KDELR2: variants seen among roughly 807,000 people sequenced by gnomAD.
The protein encoded by KDELR2 is KDEL endoplasmic reticulum protein retention receptor 2.
In KDELR2, 15 loss-of-function variants were observed where a neutral mutation model predicts 23.9. The ratio of observed to expected loss-of-function variants is 0.63; its 90% CI spans 0.42 to 0.97. The LOEUF is 0.97. Ranked by LOEUF, KDELR2 falls within the 50% of genes least tolerant of loss-of-function variation. The pLI is 0.00. For synonymous variants in KDELR2, 119 were observed against 106.2 expected (o/e 1.12, Z -0.74); for missense variants, 272 against 254.6 (o/e 1.07, Z -0.46).
intron 2 of KDELR2, among the ~76,000 whole-genome samples, chr7:6,471,672 A>C (rs1334611655): frequency 1.3e-5 from 2 of 152,134 alleles, no homozygotes. Context: ...GCCTAGTGTT[A>C]ATAATTTGTT....
At chr7:6,480,924 C>A (rs1037715713) in intron 1 of KDELR2, among the ~76,000 whole-genome samples, 1 of 152,156 alleles carries the variant, frequency 6.6e-6, no homozygotes, top group Non-Finnish European at 1.5e-5. Context: ...AGTCTGAGAA[C>A]AAGAACAATT....
Position 6,463,097 on chromosome 7 carries a change from T to C in KDELR2, c.*44A>G. On this transcript the variant is annotated 3_prime_UTR_variant, in exon 5 of 5. Coordinates refer to ENST00000258739, the MANE Select transcript of KDELR2 (RefSeq NM_006854.4). The stretch of plus-strand genomic sequence containing the variant: ...TGCCTTTGCTGTGGTAAGAATTCTG[T>C]CCGAGCACCCTGAAGGACAGATGCT... The C allele has an allele frequency of 2.5e-6, 4 of 1,614,192 alleles. No individual in the cohort carries two copies. In the East Asian group the frequency reaches 8.9e-5, roughly 36 times the overall value.
At chr7:6,482,933 G>A (rs950710746) in intron 1 of KDELR2, among the ~76,000 whole-genome samples, 2 of 151,514 alleles carry the variant, frequency 1.3e-5, no homozygotes, top group African/African-American at 4.9e-5. Context: ...TGAGCCAGGG[G>A]AGGTAGAGGC....
chr7:6,465,862 T>C lies in KDELR2; in HGVS notation c.604+209A>G, dbSNP rs113587990. 8.0e-3 allele frequency among the ~76,000 whole-genome samples: 1,221 copies of C among 152,188 alleles called. 22 individuals are homozygous for C. The highest frequency in any genetic ancestry group is 0.017 in the African/African-American group (700 of 41,538). On this transcript the variant is annotated intron_variant, in intron 4 of 4. Transcript: ENST00000258739. ...CCAGATGAATCTTTTACAGTGAAAA[T>C]GTGTCACTTTAGGAAAAGCTATTGC...
At chr7:6,471,663 C>G (rs1443268138) in intron 2 of KDELR2, among the ~76,000 whole-genome samples, 1 of 152,058 alleles carries the variant, frequency 6.6e-6, no homozygotes, top group Non-Finnish European at 1.5e-5. Context: ...TAAGTGAGGG[C>G]CTAGTGTTAA....
chr7:6,469,798 T>TG, intron 2 of KDELR2, 44 bp from the exon 3 acceptor site: 1 of 1,532,232 alleles, frequency 6.5e-7, no homozygotes, highest in Middle Eastern at 1.8e-4. Context: ...ACCTTGCCAC[T>TG]GTTCCAGCAC....
chr7:6,478,566 G>A (rs1447306261), intron 1 of KDELR2, among the ~76,000 whole-genome samples: 1 of 152,050 alleles, frequency 6.6e-6, no homozygotes, highest in Admixed American at 6.6e-5. Context: ...ATTTGTAGGA[G>A]TACTTTATTA....
chr7:6,483,808 G>A (rs922135008), intron 1 of KDELR2, among the ~76,000 whole-genome samples, 159 bp downstream of exon 1: 2 of 151,970 alleles, frequency 1.3e-5, no homozygotes, highest in African/African-American at 2.4e-5. Context: ...AGGGCCCGCA[G>A]GCCGCTGCCC....
chr7:6,474,423 C>A (rs769386225), intron 1 of KDELR2, 139 bp from the exon 2 acceptor site: 2 of 612,222 alleles, frequency 3.3e-6, no homozygotes, highest in Non-Finnish European at 5.9e-6. Context: ...TCTGAATGAA[C>A]AAGAGCAGTT....
chr7:6,464,682 G>A (rs556937625), intron 4 of KDELR2, among the ~76,000 whole-genome samples: 36 of 150,746 alleles, frequency 2.4e-4, no homozygotes, highest in African/African-American at 8.3e-4. Context: ...AGAGAGACTC[G>A]GTCTCAAAAA....
chr7:6,466,902 C>G (rs1418171598), intron 3 of KDELR2, among the ~76,000 whole-genome samples: 1 of 152,142 alleles, frequency 6.6e-6, no homozygotes, highest in Non-Finnish European at 1.5e-5. Flanking sequence ...TACAATGAAG[C>G]TTCACTTGCT....
At position 6,484,013 on chromosome 7, in the gene KDELR2, G is replaced by C; in HGVS notation, c.45C>G (p.Ala15=). Residue 15 remains alanine, a synonymous_variant, in exon 1 of 5, where the codon GCC becomes GCG. Coordinates refer to ENST00000258739, the MANE Select transcript of KDELR2 (RefSeq NM_006854.4). ...AGATCTTCAGCAGCAGGATGACGAT[G>C]GCCGCCAGGTGGGACAGGTCCCCAG... is the stretch of plus-strand genomic sequence containing the variant. ...RLTGDLSHLA[A]IVILLLKIWK... The C allele has an allele frequency of 6.5e-7, 1 of 1,529,606 alleles. No homozygotes were observed. Among genetic ancestry groups the C allele is most frequent in the Non-Finnish European group, 8.8e-7 (1 of 1,135,976 alleles). The allele number at this position is 1,529,606 out of a possible 1,614,324, so 94.8% of individuals were successfully genotyped here.
intron 3 of KDELR2, 89 bp downstream of exon 3, chr7:6,469,507 G>A (rs1785580788): frequency 2.4e-6 from 3 of 1,251,622 alleles, no homozygotes; most frequent in South Asian, 2.8e-5. Flanking sequence ...CACCCAAAGT[G>A]GAGGCTGAAC....
At position 6,484,094 on chromosome 7, in the gene KDELR2, GC is replaced by G; in HGVS notation, c.-38del. The G allele has an allele frequency of 7.1e-7, 1 of 1,399,126 alleles. No individual in the cohort carries two copies. The highest frequency in any genetic ancestry group is 9.4e-7 in the Non-Finnish European group (1 of 1,064,428). 86.7% of individuals were successfully genotyped at this position (1,399,126 alleles called of 1,614,324 possible). On this transcript the variant is annotated 5_prime_UTR_variant, in exon 1 of 5. Transcript: ENST00000258739. ...CGGTGGCGGTCGGCGCAGCGCGGCG[GC>G]CCCGGGGCTGGGCGGCTCAGGAGGC...
Position 6,466,145 on chromosome 7 carries a change from T to A in KDELR2, c.530A>T (p.Asp177Val). Residue 177 changes from aspartate to valine, a missense_variant, in exon 4 of 5, where the codon GAC (aspartate) becomes GTC (valine). Coordinates refer to ENST00000258739, the MANE Select transcript of KDELR2 (RefSeq NM_006854.4). ...TACGCCGGCCACCACAGCAATGAGG[T>A]CAAAGAAGCCCTCAAAGTAGAAGCG... is the stretch of plus-strand genomic sequence containing the variant. ...IWRFYFEGFF[D>V]LIAVVAGVVQ... The A allele has an allele frequency of 2.5e-6, 4 of 1,613,896 alleles. No individual in the cohort carries two copies. The highest frequency in any genetic ancestry group is 3.4e-6 in the Non-Finnish European group (4 of 1,179,962).
chr7:6,469,680 A>G lies in KDELR2; in HGVS notation c.267T>C (p.Asn89=). 6.2e-6 allele frequency: 10 copies of G among 1,614,134 alleles called. No individual in the cohort carries two copies. The highest frequency in any genetic ancestry group is 8.5e-6 in the Non-Finnish European group (10 of 1,179,998). Residue 89 remains asparagine, a synonymous_variant, in exon 3 of 5, where the codon AAT becomes AAC. Transcript: ENST00000258739. Reference sequence around the variant, plus strand: ...GAAACTCCACTCGGAAGGTATCATGATTTCCATCGTAGGTTGCCTTAAATT... The same window carrying G: ...GAAACTCCACTCGGAAGGTATCATGGTTTCCATCGTAGGTTGCCTTAAATT... The part of the protein sequence containing the change: ...YLKFKATYDG[N]HDTFRVEFLV...
At chr7:6,471,464 G>A (rs1206801169) in intron 2 of KDELR2, among the ~76,000 whole-genome samples, 1 of 152,150 alleles carries the variant, frequency 6.6e-6, no homozygotes, top group African/African-American at 2.4e-5. Flanking sequence ...ACAGGCGTGA[G>A]CCACAGCACC....
At chr7:6,475,074 T>C (rs114046951) in intron 1 of KDELR2, among the ~76,000 whole-genome samples, 1 of 152,196 alleles carries the variant, frequency 6.6e-6, no homozygotes, top group East Asian at 1.9e-4. Context: ...GAACTCCCGC[T>C]GGAATAATGG....
intron 2 of KDELR2, among the ~76,000 whole-genome samples, chr7:6,472,142 C>A (rs1294568944): frequency 6.6e-6 from 1 of 152,152 alleles, no homozygotes; most frequent in East Asian, 1.9e-4. Context: ...TGAATAAATA[C>A]AAAACAAAAT....
Sources: gnomAD v4.1 joint callset for allele counts (sites outside exome capture counted in the v4.1 genomes callset) on GRCh38, gnomAD v4.1.1 for gene constraint, MANE v1.5 for transcripts, NCBI Gene and HGNC (gene_info 2026-07-23, HGNC 2026-07-21) for gene names.